The following FAM135B variants were observed in gnomAD, a reference collection of about 807,000 sequenced individuals.
FAM135B encodes protein FAM135B.
FAM135B carries 43 observed loss-of-function variants against 127.7 expected under a neutral mutation model. That is an observed-to-expected ratio of 0.34 (90% CI 0.26 to 0.43). The LOEUF (loss-of-function observed/expected upper bound fraction) is 0.43, where lower values mean the gene tolerates loss of function less well. FAM135B is among the 20% of genes least tolerant of loss of function. The probability of loss-of-function intolerance (pLI) is 1.00; values close to 1 mark genes in which losing one functional copy is unlikely to be tolerated. For missense variants in FAM135B, 1,558 were observed against 1,725.6 expected, an observed-to-expected ratio of 0.90 and a Z score of 1.72; for synonymous variants, 670 against 665.1, an observed-to-expected ratio of 1.01 and a Z score of -0.11.
chr8:138,275,829 T>C (rs547350168), intron 3 of FAM135B, among the ~76,000 whole-genome samples: 2 of 152,334 alleles, frequency 1.3e-5, no homozygotes, highest in South Asian at 2.1e-4. Flanking sequence ...GCAGCCATAG[T>C]GAGGACTGAA....
chr8:138,234,355 C>A (rs755900345), intron 7 of FAM135B, among the ~76,000 whole-genome samples: 3 of 152,098 alleles, frequency 2.0e-5, no homozygotes, highest in Non-Finnish European at 2.9e-5. Flanking sequence ...TCCAGAAATC[C>A]CATTTCTGAA....
chr8:138,416,649 C>G (rs1008161082), intron 1 of FAM135B, among the ~76,000 whole-genome samples: 9 of 151,934 alleles, frequency 5.9e-5, no homozygotes, highest in Admixed American at 3.9e-4. Context: ...GAGCTGAAAC[C>G]AAACAAACAT....
At position 138,205,609 on chromosome 8, in the gene FAM135B, T is replaced by C. The variant is rs138538294; in HGVS notation, c.670-7940A>G. 1.1e-3 allele frequency among the ~76,000 whole-genome samples: 167 copies of C among 152,330 alleles called. 1 individual carries two copies. The highest frequency in any genetic ancestry group is 4.0e-3 in the African/African-American group (165 of 41,572). On this transcript the variant is annotated intron_variant, in intron 7 of 19. Transcript: ENST00000395297. ...ACCTTCTCTGTCAGCCACAAATTGCTGAGCTTTTAGTCAGTAATACCTAAA... is the reference window on the plus strand; with the variant it reads ...ACCTTCTCTGTCAGCCACAAATTGCCGAGCTTTTAGTCAGTAATACCTAAA...
At chr8:138,206,260 C>G (rs1479766611) in intron 7 of FAM135B, among the ~76,000 whole-genome samples, 3 of 132,590 alleles carry the variant, frequency 2.3e-5, no homozygotes, top group East Asian at 2.3e-4. Flanking sequence ...CACCTACACA[C>G]AGCTCTATCA....
chr8:138,484,507 C>T (rs1319125604), intron 1 of FAM135B, among the ~76,000 whole-genome samples: 1 of 152,166 alleles, frequency 6.6e-6, no homozygotes, highest in African/African-American at 2.4e-5. Flanking sequence ...ATTTTGCCCT[C>T]TTGGCTTTTA....
rs1818189627 is a variant in FAM135B, at chr8:138,151,886, A to G, written c.2589T>C (p.Pro863=). The change falls in exon 13 of 20, where the codon CCT becomes CCC. Residue 863 remains proline (P), a synonymous_variant. Coordinates refer to ENST00000395297, the MANE Select transcript of FAM135B (RefSeq NM_015912.4). Reference sequence around the variant, plus strand: ...CTGGAGTGTTCTCAGTCCTGCCATCAGGAAGACAGTGTCCTTGAGCATCAA... The same window carrying G: ...CTGGAGTGTTCTCAGTCCTGCCATCGGGAAGACAGTGTCCTTGAGCATCAA... ...KQFDAQGHCL[P]DGRTENTPGV... 6.2e-7 allele frequency: 1 copy of G among 1,614,034 alleles called. No individual in the cohort carries two copies. Among genetic ancestry groups the G allele is most frequent in the Non-Finnish European group, 8.5e-7 (1 of 1,179,888 alleles).
chr8:138,341,082 G>C (rs941550479), intron 2 of FAM135B, among the ~76,000 whole-genome samples: 1 of 152,140 alleles, frequency 6.6e-6, no homozygotes, highest in Non-Finnish European at 1.5e-5. Flanking sequence ...AGAAGAAGTA[G>C]AATAAGAGAC....
intron 17 of FAM135B, among the ~76,000 whole-genome samples, chr8:138,139,304 A>C (rs1816924034): frequency 6.6e-6 from 1 of 152,168 alleles, no homozygotes; most frequent in South Asian, 2.1e-4. Flanking sequence ...ATCCTGCAAA[A>C]ATGATGACAG....
Position 138,132,602 on chromosome 8 carries a change from G to A in FAM135B, c.4212C>T (p.Tyr1404=), listed in dbSNP as rs2130480940. 6.2e-7 allele frequency: 1 copy of A among 1,613,900 alleles called. No homozygotes were observed. The highest frequency in any genetic ancestry group is 8.5e-7 in the Non-Finnish European group (1 of 1,179,804). Residue 1404 remains tyrosine (Y), a synonymous_variant, in exon 20 of 20, where the codon TAC becomes TAT. Transcript: ENST00000395297. The surrounding 1 kb of genome is among the most constrained non-coding windows in gnomAD (Gnocchi z 4.5). ...TGCTCCCTCAAAGCCACTACTTGAA[G>A]TAGTTGAGTCCTGCCACCAAGAAAA... ...EKFFLVAGLN[Y]FK
intron 12 of FAM135B, among the ~76,000 whole-genome samples, chr8:138,160,419 C>G (rs960051536): frequency 6.6e-6 from 1 of 151,990 alleles, no homozygotes; most frequent in East Asian, 1.9e-4. Flanking sequence ...GATGGAGTCT[C>G]GTTCTGTGGC....
At chr8:138,185,601 T>A (rs962699707) in intron 9 of FAM135B, among the ~76,000 whole-genome samples, 1 of 152,196 alleles carries the variant, frequency 6.6e-6, no homozygotes, top group African/African-American at 2.4e-5. Context: ...TGCTCACTGA[T>A]GCTTAGTAAC....
intron 1 of FAM135B, among the ~76,000 whole-genome samples, chr8:138,373,549 C>T (rs1302831498): frequency 6.6e-6 from 1 of 151,790 alleles, no homozygotes; most frequent in East Asian, 1.9e-4. Context: ...GAAAAAAGAA[C>T]AGAATAACAG....
At chr8:138,473,853 AC>A (rs1814226206) in intron 1 of FAM135B, among the ~76,000 whole-genome samples, 1 of 151,334 alleles carries the variant, frequency 6.6e-6, no homozygotes, top group Non-Finnish European at 1.5e-5. Context: ...AGAGAGAGAG[AC>A]TTTTCAATCA....
chr8:138,434,634 C>G (rs532720204), intron 1 of FAM135B, among the ~76,000 whole-genome samples: 1 of 152,322 alleles, frequency 6.6e-6, no homozygotes, highest in South Asian at 2.1e-4. Context: ...TGTCACAGTT[C>G]TCTTTGGAGA....
intron 2 of FAM135B, among the ~76,000 whole-genome samples, chr8:138,337,679 C>G (rs955929724): frequency 6.6e-6 from 1 of 152,092 alleles, no homozygotes; most frequent in Non-Finnish European, 1.5e-5. Context: ...AATGGCCAAA[C>G]TGCCCAAGGT....
At chr8:138,253,285 C>T (rs1485074222) in intron 5 of FAM135B, among the ~76,000 whole-genome samples, 1 of 152,144 alleles carries the variant, frequency 6.6e-6, no homozygotes, top group African/African-American at 2.4e-5. Context: ...GAGTGAGCTC[C>T]CCATCCCTGT....
chr8:138,345,589 CATGGT>C (rs961338272), intron 2 of FAM135B, among the ~76,000 whole-genome samples: 43 of 151,954 alleles, frequency 2.8e-4, no homozygotes, highest in African/African-American at 1.0e-3. Flanking sequence ...GCCCCTTTGA[CATGGT>C]ATGTGAGGAC....
chr8:138,278,139 T>G (rs1003971094), intron 3 of FAM135B, among the ~76,000 whole-genome samples: 3 of 151,904 alleles, frequency 2.0e-5, no homozygotes, highest in South Asian at 2.1e-4. Context: ...TGACAATAAA[T>G]GAGCATAGGA....
chr8:138,222,995 C>G (rs752757677), intron 7 of FAM135B, among the ~76,000 whole-genome samples: 8 of 152,136 alleles, frequency 5.3e-5, no homozygotes, highest in Non-Finnish European at 1.0e-4. Context: ...CCTCCTCCAA[C>G]TGTGAACTGG....
Sources: gnomAD v4.1 joint callset for allele counts (sites outside exome capture counted in the v4.1 genomes callset) on GRCh38, gnomAD v4.1.1 for gene constraint, Gnocchi (gnomAD v3.1) non-coding constraint, MANE v1.5 for transcripts, NCBI Gene and HGNC (gene_info 2026-07-23, HGNC 2026-07-21) for gene names.